NXPE2: variants seen among roughly 807,000 people sequenced by gnomAD.
NXPE2 encodes NXPE family member 2.
NXPE2 carries 34 observed loss-of-function variants against 34.4 expected under a neutral mutation model. That is an observed-to-expected ratio of 0.99 (90% CI 0.75 to 1.31). The LOEUF is 1.31. Ranked by LOEUF, NXPE2 falls within the 40% of genes most tolerant of loss-of-function variation. NXPE2 has a pLI of 0.00. For synonymous variants in NXPE2, 235 were observed against 231.3 expected (o/e 1.02, Z -0.15); for missense variants, 649 against 672.5 (o/e 0.97, Z 0.39).
At chr11:114,484,469 C>A in the NXPE2 span, among the ~76,000 whole-genome samples, 3 of 152,136 alleles carry the variant, frequency 2.0e-5, no homozygotes, top group African/African-American at 4.8e-5. Context: ...TCCACCTTTC[C>A]TCTCTAGGTA....
chr11:114,754,934 T>G, the NXPE2 span, among the ~76,000 whole-genome samples: 1 of 152,184 alleles, frequency 6.6e-6, no homozygotes, highest in Admixed American at 6.5e-5. Context: ...TATTTTAATA[T>G]TAAACAACCA....
chr11:114,582,975 T>C, the NXPE2 span: 2 of 1,613,844 alleles, frequency 1.2e-6, no homozygotes, highest in Non-Finnish European at 1.7e-6. Context: ...CTTTGTGGAG[T>C]TGTTCCAGTA....
At chr11:114,804,008 G>C in the NXPE2 span, among the ~76,000 whole-genome samples, 9 of 152,118 alleles carry the variant, frequency 5.9e-5, no homozygotes, top group Non-Finnish European at 1.2e-4. Context: ...ATGAGTTATG[G>C]GGGAACAAAA....
At chr11:114,631,453 C>T in the NXPE2 span, among the ~76,000 whole-genome samples, 2 of 141,476 alleles carry the variant, frequency 1.4e-5, no homozygotes, top group African/African-American at 2.7e-5. Context: ...TATTCTCACT[C>T]ATAGGTGGGA....
At chr11:114,473,192 G>C in the NXPE2 span, among the ~76,000 whole-genome samples, 1 of 152,168 alleles carries the variant, frequency 6.6e-6, no homozygotes, top group Non-Finnish European at 1.5e-5. Context: ...AATCAGATTA[G>C]ATTAGATCAA....
At chr11:114,512,135 G>C in the NXPE2 span, among the ~76,000 whole-genome samples, 1 of 152,152 alleles carries the variant, frequency 6.6e-6, no homozygotes, top group African/African-American at 2.4e-5. Context: ...AGCTCAATTT[G>C]ATGTTTTGGA....
the NXPE2 span, among the ~76,000 whole-genome samples, chr11:114,672,243 C>A: frequency 4.6e-5 from 7 of 151,802 alleles, no homozygotes. Context: ...CCATATCACA[C>A]ACAAAAAGCA....
At chr11:114,594,648 A>T in the NXPE2 span, 1 of 1,534,046 alleles carries the variant, frequency 6.5e-7, no homozygotes, top group Non-Finnish European at 9.0e-7. Context: ...AACCACATAA[A>T]TAAAGCATTT....
the NXPE2 span, among the ~76,000 whole-genome samples, chr11:114,464,750 A>C: frequency 6.6e-6 from 1 of 152,296 alleles, no homozygotes; most frequent in South Asian, 2.1e-4. Flanking sequence ...CTTTTCTCTA[A>C]ATCTACCATA....
At chr11:114,625,032 G>T in the NXPE2 span, among the ~76,000 whole-genome samples, 64,322 of 149,968 alleles carry the variant, frequency 0.43, 14,845 homozygotes, top group African/African-American at 0.61. Flanking sequence ...TGTTGCCTCG[G>T]GGGTAAACAC....
chr11:114,799,281 G>C, the NXPE2 span, among the ~76,000 whole-genome samples: 4,927 of 114,098 alleles, frequency 0.043, 126 homozygotes, highest in Non-Finnish European at 0.063. Flanking sequence ...GAAGATGAGA[G>C]GCAATGAAGC....
the NXPE2 span, among the ~76,000 whole-genome samples, chr11:114,715,605 A>C: frequency 6.6e-6 from 1 of 152,218 alleles, no homozygotes; most frequent in Non-Finnish European, 1.5e-5. Flanking sequence ...AGGTTAACTG[A>C]ATCTTAGTCA....
At chr11:114,566,200 A>C in the NXPE2 span, among the ~76,000 whole-genome samples, 41 of 152,088 alleles carry the variant, frequency 2.7e-4, no homozygotes, top group South Asian at 4.1e-4. Context: ...ACAAATACTT[A>C]CAAGTTATGG....
chr11:114,498,865 G>A, the NXPE2 span, among the ~76,000 whole-genome samples: 1 of 152,072 alleles, frequency 6.6e-6, no homozygotes, highest in African/African-American at 2.4e-5. Context: ...CTGTATTTAT[G>A]TGTGGGCTTT....
At chr11:114,708,603 C>T (rs1859537298), downstream of NXPE2, among the ~76,000 whole-genome samples, 1 of 149,198 alleles carries the variant, frequency 6.7e-6, no homozygotes, top group Admixed American at 6.6e-5. Flanking sequence ...ACACTCCAGC[C>T]TGGGTGACAG....
At chr11:114,697,995 A>G (rs1951290290) in intron 2 of NXPE2, 50 bp from the exon 3 acceptor site, 1 of 1,409,110 alleles carries the variant, frequency 7.1e-7, no homozygotes, top group Non-Finnish European at 9.3e-7. Flanking sequence ...ATTGAAAAGC[A>G]AGCCCTATTG....
chr11:114,580,410 T>C, the NXPE2 span: 1 of 1,271,060 alleles, frequency 7.9e-7, no homozygotes, highest in South Asian at 1.2e-5. Flanking sequence ...AAGAGCCTTC[T>C]ATCCTCTAAG....
chr11:114,582,930 T>C, the NXPE2 span: 1 of 1,614,082 alleles, frequency 6.2e-7, no homozygotes, highest in Non-Finnish European at 8.5e-7. Context: ...TGTTAGTGGC[T>C]TTAATGATAT....
At chr11:114,577,095 A>G in the NXPE2 span, among the ~76,000 whole-genome samples, 20 of 142,024 alleles carry the variant, frequency 1.4e-4, no homozygotes, top group Non-Finnish European at 2.7e-4. Context: ...ACATATATAT[A>G]TAAAGTTATA....
Sources: allele counts gnomAD v4.1 joint callset (sites outside exome capture counted in the v4.1 genomes callset), GRCh38; gene constraint gnomAD v4.1.1; transcripts MANE v1.5; gene names NCBI Gene and HGNC (gene_info 2026-07-23, HGNC 2026-07-21).